SSBP2: variants seen among roughly 807,000 people sequenced by gnomAD.
SSBP2 encodes the protein single stranded DNA binding protein 2, also known as single-stranded DNA-binding protein 2.
SSBP2 carries 17 observed loss-of-function variants against 61.8 expected under a neutral mutation model. The ratio of observed to expected loss-of-function variants is 0.28; its 90% CI spans 0.19 to 0.41. The LOEUF (loss-of-function observed/expected upper bound fraction) is 0.41. Among genes scored for constraint, SSBP2 ranks in the 10% least tolerant of loss-of-function variants. The pLI is 1.00. For synonymous variants in SSBP2, 139 were observed against 141.3 expected, an observed-to-expected ratio of 0.98 and a Z score of 0.12; for missense variants, 310 against 458.7, an observed-to-expected ratio of 0.68 and a Z score of 2.96.
intron 3 of SSBP2, among the ~76,000 whole-genome samples, chr5:81,624,574 A>G (rs1273576425): frequency 6.6e-6 from 1 of 152,170 alleles, no homozygotes; most frequent in East Asian, 1.9e-4. Context: ...TTTGGATCTC[A>G]GGTTTTCAGA....
chr5:81,745,550 C>T lies in SSBP2; in HGVS notation c.62+5431G>A, dbSNP rs943091309. Among the ~76,000 whole-genome samples the T allele has an allele frequency of 1.1e-4, 16 of 152,124 alleles. No individual in the cohort carries two copies. The East Asian group carries it at 2.7e-3, about 26-fold the overall frequency. ...TTAATAAAATTAATATTTTAGCATA[C>T]GCTTACAGAGGCTCACATGTCACTA... On this transcript the variant is annotated intron_variant, in intron 1 of 16. Transcript: ENST00000320672.
chr5:81,606,997 T>C (rs1269391042), intron 4 of SSBP2, among the ~76,000 whole-genome samples: 1 of 152,220 alleles, frequency 6.6e-6, no homozygotes, highest in Non-Finnish European at 1.5e-5. Context: ...GATTTGCATA[T>C]GGAAAATATC....
intron 4 of SSBP2, among the ~76,000 whole-genome samples, chr5:81,592,595 A>T (rs1031993566): frequency 3.3e-5 from 5 of 152,178 alleles, no homozygotes; most frequent in Non-Finnish European, 5.9e-5. Context: ...ACCCCCTAGT[A>T]GGGGCGGACT....
intron 1 of SSBP2, among the ~76,000 whole-genome samples, chr5:81,748,041 T>C (rs1008913849): frequency 9.2e-5 from 14 of 152,182 alleles, no homozygotes; most frequent in African/African-American, 1.2e-4. Flanking sequence ...AAACCAATAA[T>C]TCACTTCAAA....
At chr5:81,706,035 A>G (rs1754361949) in intron 1 of SSBP2, among the ~76,000 whole-genome samples, 1 of 152,186 alleles carries the variant, frequency 6.6e-6, no homozygotes, top group Non-Finnish European at 1.5e-5. Context: ...CCAAAAATAC[A>G]CCTGCACTCA....
intron 4 of SSBP2, among the ~76,000 whole-genome samples, chr5:81,544,626 C>T (rs938448242): frequency 6.6e-6 from 1 of 151,646 alleles, no homozygotes; most frequent in Non-Finnish European, 1.5e-5. Context: ...AGGGGGAGAA[C>T]AAAACTAAGA....
intron 4 of SSBP2, among the ~76,000 whole-genome samples, chr5:81,608,339 T>A (rs769235321): frequency 6.6e-6 from 1 of 152,178 alleles, no homozygotes; most frequent in Non-Finnish European, 1.5e-5. Context: ...GGGGCTGAAT[T>A]TTCAGCGTAT....
At chr5:81,462,898 A>G (rs559089139) in intron 9 of SSBP2, among the ~76,000 whole-genome samples, 23 of 152,270 alleles carry the variant, frequency 1.5e-4, no homozygotes, top group Admixed American at 1.5e-3. Context: ...TATCATAACC[A>G]AACAAGTACT....
intron 2 of SSBP2, among the ~76,000 whole-genome samples, chr5:81,638,126 A>G (rs1210862485): frequency 6.7e-6 from 1 of 150,152 alleles, no homozygotes; most frequent in Non-Finnish European, 1.5e-5. Context: ...GGGGGGAGAG[A>G]TAGCATTGGG....
At chr5:81,454,388 G>C (rs984249733) in intron 10 of SSBP2, among the ~76,000 whole-genome samples, 1 of 152,176 alleles carries the variant, frequency 6.6e-6, no homozygotes, top group African/African-American at 2.4e-5. Context: ...ATAGAACAAA[G>C]AGATAGATAG....
At chr5:81,591,298 G>A (rs187378584) in intron 4 of SSBP2, among the ~76,000 whole-genome samples, 13 of 152,196 alleles carry the variant, frequency 8.5e-5, no homozygotes, top group East Asian at 7.7e-4. Flanking sequence ...TTAAAGAACC[G>A]GAAAAAGAGG....
chr5:81,671,666 A>G (rs1751588798), intron 1 of SSBP2, among the ~76,000 whole-genome samples: 1 of 152,122 alleles, frequency 6.6e-6, no homozygotes, highest in Non-Finnish European at 1.5e-5. Flanking sequence ...AGCACTTAAG[A>G]AAAAAACAAA....
chr5:81,526,124 T>A (rs1769915151), intron 4 of SSBP2, among the ~76,000 whole-genome samples: 1 of 152,068 alleles, frequency 6.6e-6, no homozygotes, highest in South Asian at 2.1e-4. Context: ...AAATTTCTGG[T>A]TAAGCATATT....
chr5:81,511,008 C>T (rs1352311353), intron 5 of SSBP2, among the ~76,000 whole-genome samples: 2 of 152,126 alleles, frequency 1.3e-5, no homozygotes, highest in Non-Finnish European at 2.9e-5. Flanking sequence ...TCACCAGCTA[C>T]TCTCCCTTTA....
chr5:81,510,516 A>C (rs1032055532), intron 5 of SSBP2, among the ~76,000 whole-genome samples: 6 of 152,178 alleles, frequency 3.9e-5, no homozygotes, highest in African/African-American at 1.4e-4. Flanking sequence ...TAATCCCAGC[A>C]CTTTGGGAGG....
intron 4 of SSBP2, among the ~76,000 whole-genome samples, chr5:81,594,522 A>G (rs947125005): frequency 7.2e-5 from 11 of 152,194 alleles, no homozygotes; most frequent in Admixed American, 5.2e-4. Context: ...TCTCCACCCC[A>G]AATCAACAGA....
chr5:81,744,486 C>T (rs1481813024), intron 1 of SSBP2, among the ~76,000 whole-genome samples: 1 of 151,980 alleles, frequency 6.6e-6, no homozygotes, highest in African/African-American at 2.4e-5. Flanking sequence ...ATTATTCTTG[C>T]CTTTACAAAT....
chr5:81,611,500 T>C (rs1745435212), intron 4 of SSBP2, among the ~76,000 whole-genome samples: 1 of 152,186 alleles, frequency 6.6e-6, no homozygotes, highest in Admixed American at 6.5e-5. Context: ...CCATAGTAAG[T>C]TATAAATTTT....
chr5:81,458,845 AT>A (rs376788551), intron 10 of SSBP2, among the ~76,000 whole-genome samples: 2 of 151,936 alleles, frequency 1.3e-5, no homozygotes, highest in Non-Finnish European at 2.9e-5. Flanking sequence ...GTTATCTATG[AT>A]TTTTTTCCCC....
Sources: allele counts gnomAD v4.1 joint callset (sites outside exome capture counted in the v4.1 genomes callset), GRCh38; gene constraint gnomAD v4.1.1; transcripts MANE v1.5; gene names NCBI Gene and HGNC (gene_info 2026-07-23, HGNC 2026-07-21).